APC2: variants seen among roughly 807,000 people sequenced by gnomAD.
APC2 encodes the protein APC regulator of Wnt signaling pathway 2.
Under a neutral mutation model 72.5 loss-of-function variants are expected in APC2, and 41 were observed. The ratio of observed to expected loss-of-function variants is 0.57; its 90% CI spans 0.44 to 0.73. The LOEUF (loss-of-function observed/expected upper bound fraction) is 0.73, where lower values mean the gene tolerates loss of function less well. Ranked by LOEUF, APC2 falls within the 30% of genes least tolerant of loss-of-function variation. The pLI, the probability that APC2 is intolerant of heterozygous loss-of-function variation, is 0.00. For missense variants in APC2, 3,729 were observed against 3,403.4 expected, an observed-to-expected ratio of 1.10 and a Z score of -2.38; for synonymous variants, 1,898 against 1,612.0, an observed-to-expected ratio of 1.18 and a Z score of -4.25.
chr19:1,450,009 C>G, upstream of APC2: 5 of 610,166 alleles, frequency 8.2e-6, no homozygotes, highest in Non-Finnish European at 8.2e-6. Context: ...CCGCGGCCGA[C>G]GCCGGTCCCC....
chr19:1,457,497 T>C (rs1019592426), intron 9 of APC2: 11 of 566,412 alleles, frequency 1.9e-5, no homozygotes, highest in Admixed American at 1.5e-4. Flanking sequence ...TCTGGAAAGT[T>C]GGGTGCAGAC....
At position 1,461,956 on chromosome 19, in the gene APC2, C is replaced by T. The variant is rs577508757; in HGVS notation, c.1639-7C>T. 122 of 1,599,842 alleles carry T rather than the reference C, an allele frequency of 7.6e-5. No homozygotes were observed. In the East Asian group the frequency reaches 8.3e-4, roughly 11 times the overall value. On this transcript the variant is annotated splice_region_variant and splice_polypyrimidine_tract_variant and intron_variant, in intron 13 of 14. Coordinates refer to ENST00000590469, the MANE Select transcript of APC2 (RefSeq NM_005883.3). ...CCTGACCCGCCCCTCTCCCGCCCCT[C>T]GTCCAGGAGTCCACCCTGAAGAGCG...
chr19:1,468,437 C>A lies in APC2; in HGVS notation c.5136C>A (p.Ser1712=). Reference sequence around the variant, plus strand: ...CAGCTGCCACGCGGGAGGCCTCGTCCGAGTCCGACTCCATCCTGTCCTTCG... The same window carrying A: ...CAGCTGCCACGCGGGAGGCCTCGTCAGAGTCCGACTCCATCCTGTCCTTCG... ...QAAAATREAS[S]ESDSILSFVS... Residue 1712 remains serine (S), a synonymous_variant, in exon 15 of 15, where the codon TCC becomes TCA. Transcript: ENST00000590469. The A allele has an allele frequency of 1.3e-6, 2 of 1,593,152 alleles. No individual in the cohort carries two copies.
Position 1,457,247 on chromosome 19 carries a change from A to G in APC2, c.1207+4A>G. The G allele has an allele frequency of 6.6e-7, 1 of 1,523,210 alleles. No individual in the cohort carries two copies. Among genetic ancestry groups the G allele is most frequent in the South Asian group, 1.2e-5 (1 of 81,934 alleles). 94.4% of individuals were successfully genotyped at this position (1,523,210 alleles called of 1,614,324 possible). A position where few individuals can be genotyped will look rare whatever the true frequency, so the allele number is the denominator to read the frequency against. On this transcript the variant is annotated splice_donor_region_variant and intron_variant, in intron 9 of 14. Transcript: ENST00000590469. ...GAGGGAGGTGGCGCCGGCAGCGGTG[A>G]GTGCCTGGCCTGGTGGGCCCCCTCC... is the stretch of plus-strand genomic sequence containing the variant.
At position 1,470,244 on chromosome 19, in the gene APC2, T is replaced by G. The variant is rs2084112291; in HGVS notation, c.*31T>G. ...TAGGCCGGCCTTCTGGAACGTTCTC[T>G]CCCGGCCCTGCGGCGCGGTCTGGCT... is the stretch of plus-strand genomic sequence containing the variant. On this transcript the variant is annotated 3_prime_UTR_variant, in exon 15 of 15. Coordinates refer to ENST00000590469, the MANE Select transcript of APC2 (RefSeq NM_005883.3). 1 of 1,543,038 alleles carries G rather than the reference T, an allele frequency of 6.5e-7. No individual in the cohort carries two copies. Among genetic ancestry groups the G allele is most frequent in the Non-Finnish European group, 8.7e-7 (1 of 1,147,262 alleles).
In APC2 at chr19:1,468,537, G is replaced by A; in HGVS notation, c.5236G>A (p.Gly1746Ser). ...GGGACGACAGGCGGAGGGAGAAATGGGCAGTGCCCGGCGGCCAGAGAAAAG... is the reference window on the plus strand; with the variant it reads ...GGGACGACAGGCGGAGGGAGAAATGAGCAGTGCCCGGCGGCCAGAGAAAAG... ...RKGRQAEGEM[G>S]SARRPEKRGA... The change falls in exon 15 of 15, where the codon GGC (glycine) becomes AGC (serine). Residue 1746 changes from glycine (G) to serine (S), a missense_variant. Transcript: ENST00000590469. 2 of 1,600,340 alleles carry A rather than the reference G, an allele frequency of 1.2e-6. No individual in the cohort carries two copies. The highest frequency in any genetic ancestry group is 1.7e-6 in the Non-Finnish European group (2 of 1,172,008).
intron 8 of APC2, 145 bp downstream of exon 8, chr19:1,456,549 C>T (rs1050857763): frequency 5.3e-5 from 49 of 917,582 alleles, no homozygotes; most frequent in Non-Finnish European, 7.4e-5. Context: ...GCGTGCAGCT[C>T]ATGCAGAAGC....
Position 1,465,773 on chromosome 19 carries a change from A to C in APC2, c.2472A>C (p.Arg824=). The C allele has an allele frequency of 6.4e-7, 1 of 1,565,020 alleles. No homozygotes were observed. Among genetic ancestry groups the C allele is most frequent in the African/African-American group, 1.4e-5 (1 of 73,330 alleles). The change falls in exon 15 of 15, where the codon CGA becomes CGC. Residue 824 remains arginine, a synonymous_variant. Transcript: ENST00000590469. ...QALARTPPTR[R]GGKEAEKDTS... is the part of the protein sequence containing the mutation. ...TGGCTCGCACCCCGCCCACCCGCCG[A>C]GGCGGCAAGGAGGCAGAGAAGGACA...
At chr19:1,464,177 T>A (rs888492216) in intron 14 of APC2, among the ~76,000 whole-genome samples, 1 of 151,938 alleles carries the variant, frequency 6.6e-6, no homozygotes, top group African/African-American at 2.4e-5. Flanking sequence ...GGCGGGGTGG[T>A]GGGTGCCTGT....
At chr19:1,461,826 TGG>T in intron 13 of APC2, 135 bp from the exon 14 acceptor site, 1 of 711,060 alleles carries the variant, frequency 1.4e-6, no homozygotes, top group African/African-American at 1.8e-5. Context: ...CACTCCAGCC[TGG>T]GGGAGAGAGT....
rs1465842128 is a variant in APC2, at chr19:1,465,959, G to A, written c.2658G>A (p.Glu886=). ...ACCCGGGACAGGAGGCGCCACGGGA[G>A]GGCCGCGCCCAGTCCTGCTCGCCAT... is the stretch of plus-strand genomic sequence containing the variant. The part of the protein sequence containing the change: ...SGDPGQEAPR[E]GRAQSCSPCR... Residue 886 remains glutamate (E), a synonymous_variant, in exon 15 of 15, where the codon GAG becomes GAA. Coordinates refer to ENST00000590469, the MANE Select transcript of APC2 (RefSeq NM_005883.3). 1.9e-6 allele frequency: 3 copies of A among 1,574,574 alleles called. No homozygotes were observed. Among genetic ancestry groups the A allele is most frequent in the South Asian group, 1.1e-5 (1 of 87,606 alleles).
At chr19:1,457,934 G>A in intron 9 of APC2, 31 bp from the exon 10 acceptor site, 7 of 1,506,964 alleles carry the variant, frequency 4.6e-6, no homozygotes, top group Non-Finnish European at 6.2e-6. Flanking sequence ...TCCTGGGAAT[G>A]GGGGCTCTGA....
At chr19:1,460,634 G>A (rs2145211054) in intron 11 of APC2, 146 bp from the exon 12 acceptor site, 1 of 948,472 alleles carries the variant, frequency 1.1e-6, no homozygotes, top group East Asian at 2.7e-5. Context: ...TTCCCGACCT[G>A]AGCATGGGGT....
intron 6 of APC2, 122 bp from the exon 7 acceptor site, chr19:1,455,954 G>C: frequency 2.7e-6 from 1 of 376,716 alleles, no homozygotes; most frequent in Non-Finnish European, 3.8e-6. Context: ...GTCAGGGCCT[G>C]GGGCGGGGTT....
rs1270994077 is a variant in APC2, at chr19:1,456,286, C to T, written c.718-20C>T. ...GGGTGCTCTGGGACTGTACCCCCGA[C>T]CCTGGTGCTCTCCCTGCAGGCCTTG... On this transcript the variant is annotated intron_variant, in intron 7 of 14. Coordinates refer to ENST00000590469, the MANE Select transcript of APC2 (RefSeq NM_005883.3). 3 of 1,598,818 alleles carry T rather than the reference C, an allele frequency of 1.9e-6. No homozygotes were observed. Among genetic ancestry groups the T allele is most frequent in the South Asian group, 2.3e-5 (2 of 88,880 alleles).
chr19:1,470,680 C>G lies in APC2; in HGVS notation c.*467C>G, dbSNP rs983020721. The G allele has an allele frequency of 6.3e-6, 1 of 159,938 alleles. No homozygotes were observed. Among genetic ancestry groups the G allele is most frequent in the Non-Finnish European group, 1.4e-5 (1 of 73,694 alleles). 9.9% of individuals were successfully genotyped at this position (159,938 alleles called of 1,614,324 possible). On this transcript the variant is annotated 3_prime_UTR_variant, in exon 15 of 15. Transcript: ENST00000590469. Reference sequence around the variant, plus strand: ...CCGCGGCGGGCCTGCCAGCTGGGGGCCTTTGCGGCGCGCAGGGGCGAAGCC... The same window carrying G: ...CCGCGGCGGGCCTGCCAGCTGGGGGGCTTTGCGGCGCGCAGGGGCGAAGCC...
intron 11 of APC2, 149 bp downstream of exon 11, chr19:1,460,469 A>T: frequency 7.7e-7 from 1 of 1,307,174 alleles, no homozygotes; most frequent in Non-Finnish European, 1.1e-6. Context: ...AGGCCCAGAG[A>T]GTGCGGTGTG....
In APC2 at chr19:1,469,855, A is replaced by T; in HGVS notation, c.6554A>T (p.Lys2185Met). 1 of 1,520,526 alleles carries T rather than the reference A, an allele frequency of 6.6e-7. No individual in the cohort carries two copies. Among genetic ancestry groups the T allele is most frequent in the Non-Finnish European group, 8.8e-7 (1 of 1,141,172 alleles). The allele number at this position is 1,520,526 out of a possible 1,614,324, so 94.2% of individuals were successfully genotyped here. A position where few individuals can be genotyped will look rare whatever the true frequency, so the allele number is the denominator to read the frequency against. ...GCCCCGGCCGGGCCCCCGCCGCGCA[A>T]GACCAGCGACGCCGTGGTCCAGACC... ...EDAPAGPPPRKTSDAVVQTEE... is the reference protein window; with the variant it reads ...EDAPAGPPPRMTSDAVVQTEE... The change falls in exon 15 of 15, where the codon AAG becomes ATG. Residue 2185 changes from lysine to methionine, a missense_variant. Coordinates refer to ENST00000590469, the MANE Select transcript of APC2 (RefSeq NM_005883.3).
Position 1,466,702 on chromosome 19 carries a change from G to T in APC2, c.3401G>T (p.Gly1134Val). ...ATTCCGGCTCCCCGGCGTAACCGAG[G>T]CCGGGGCCTGGGGGTGGAAGACGCC... ...VAIPAPRRNR[G>V]RGLGVEDATP... The change falls in exon 15 of 15, where the codon GGC (glycine) becomes GTC (valine). Residue 1134 changes from glycine (G) to valine (V), a missense_variant. Coordinates refer to ENST00000590469, the MANE Select transcript of APC2 (RefSeq NM_005883.3). 5.9e-6 allele frequency: 9 copies of T among 1,524,652 alleles called. No homozygotes were observed. Among genetic ancestry groups the T allele is most frequent in the Non-Finnish European group, 7.9e-6 (9 of 1,134,274 alleles). 94.4% of individuals were successfully genotyped at this position (1,524,652 alleles called of 1,614,324 possible).
Sources: allele counts gnomAD v4.1 joint callset (sites outside exome capture counted in the v4.1 genomes callset), GRCh38; gene constraint gnomAD v4.1.1; transcripts MANE v1.5; gene names NCBI Gene and HGNC (gene_info 2026-07-23, HGNC 2026-07-21).